Variants in SOS2 observed in about 807,000 individuals in gnomAD.
SOS2 encodes the protein SOS Ras/Rho guanine nucleotide exchange factor 2.
Under a neutral mutation model 148.2 loss-of-function variants are expected in SOS2, and 65 were observed. The ratio of observed to expected loss-of-function variants is 0.44; its 90% confidence interval spans 0.36 to 0.54. SOS2 has a LOEUF of 0.54. Among genes scored for constraint, SOS2 ranks in the 20% least tolerant of loss-of-function variants. The pLI is 0.00. For synonymous variants in SOS2, 539 were observed against 537.1 expected (o/e 1.00, Z -0.05); for missense variants, 1,341 against 1,590.2 (o/e 0.84, Z 2.67).
chr14:50,159,146 C>T lies in SOS2; in HGVS notation c.1852+285G>A, dbSNP rs61093617. Among the ~76,000 whole-genome samples, 29,213 of 151,388 alleles carry T rather than the reference C, an allele frequency of 0.19. 2,980 individuals carry two copies. The highest frequency in any genetic ancestry group is 0.44 in the East Asian group (2,270 of 5,148). ...TGGAGCTTGCAGTGAGCAGAGATAG[C>T]GCCACTGCACTCCAGCCTGGGCAAC... On this transcript the variant is annotated intron_variant, in intron 10 of 22. Coordinates refer to ENST00000216373, the MANE Select transcript of SOS2 (RefSeq NM_006939.4).
intron 12 of SOS2, among the ~76,000 whole-genome samples, chr14:50,155,190 T>C (rs904789530): frequency 6.6e-6 from 1 of 152,078 alleles, no homozygotes; most frequent in Admixed American, 6.5e-5. Context: ...ATGTTAAAAT[T>C]TTTCATAATA....
intron 11 of SOS2, 53 bp from the exon 12 acceptor site, chr14:50,157,174 A>G: frequency 6.3e-7 from 1 of 1,578,458 alleles, no homozygotes; most frequent in Non-Finnish European, 8.6e-7. Flanking sequence ...TGAAAATACA[A>G]GGAGGAAAAC....
chr14:50,161,044 C>G (rs570776963), intron 9 of SOS2, among the ~76,000 whole-genome samples: 85 of 151,502 alleles, frequency 5.6e-4, no homozygotes, highest in African/African-American at 2.0e-3. Flanking sequence ...GGCGCAGCGG[C>G]TCACACCTGT....
Position 50,182,453 on chromosome 14 carries a change from G to C in SOS2, c.858+10C>G. On this transcript the variant is annotated intron_variant, in intron 6 of 22. Coordinates refer to ENST00000216373, the MANE Select transcript of SOS2 (RefSeq NM_006939.4). The stretch of plus-strand genomic sequence containing the variant: ...CTTTAATGAGAATATAAGTAGTTTT[G>C]TAAACTTACTTCTGCCAAATCTTCA... The C allele has an allele frequency of 6.2e-7, 1 of 1,612,822 alleles. No homozygotes were observed. The highest frequency in any genetic ancestry group is 2.2e-5 in the East Asian group (1 of 44,850).
chr14:50,168,790 G>A (rs1885262591), intron 8 of SOS2, among the ~76,000 whole-genome samples: 1 of 152,086 alleles, frequency 6.6e-6, no homozygotes, highest in Non-Finnish European at 1.5e-5. Context: ...TGACTCAAAG[G>A]TTATTACATC....
intron 3 of SOS2, among the ~76,000 whole-genome samples, chr14:50,200,299 A>C (rs1311159053): frequency 6.6e-6 from 1 of 152,016 alleles, no homozygotes; most frequent in African/African-American, 2.4e-5. Flanking sequence ...TGAATTTGCT[A>C]CAAAACTCTT....
At position 50,150,654 on chromosome 14, in the gene SOS2, C is replaced by T. The variant is rs192207730; in HGVS notation, c.2162-424G>A. Among the ~76,000 whole-genome samples the T allele has an allele frequency of 9.2e-4, 139 of 151,200 alleles. 1 individual carries two copies. The highest frequency in any genetic ancestry group is 3.2e-3 in the African/African-American group (131 of 41,166). ...TCAACTTATTGCAACTTCCATGTTG[C>T]GGGCTCAAGTGATCCTCCCACCTCA... On this transcript the variant is annotated intron_variant, in intron 13 of 22. Coordinates refer to ENST00000216373, the MANE Select transcript of SOS2 (RefSeq NM_006939.4).
chr14:50,202,089 A>C (rs1347549327), intron 2 of SOS2, among the ~76,000 whole-genome samples: 4 of 152,140 alleles, frequency 2.6e-5, no homozygotes, highest in Admixed American at 1.3e-4. Flanking sequence ...CAGCATCCCG[A>C]GTAGCTGGGA....
chr14:50,169,946 G>A (rs537151919), intron 8 of SOS2, among the ~76,000 whole-genome samples: 2 of 151,886 alleles, frequency 1.3e-5, no homozygotes, highest in East Asian at 3.9e-4. Flanking sequence ...TTACTTTTAA[G>A]ACAGAGTTTC....
intron 21 of SOS2, among the ~76,000 whole-genome samples, chr14:50,120,882 G>A (rs1164473722): frequency 6.6e-6 from 1 of 151,836 alleles, no homozygotes; most frequent in Non-Finnish European, 1.5e-5. Flanking sequence ...TGGGATTACA[G>A]GTACCCACTA....
Position 50,153,097 on chromosome 14 carries a change from G to A in SOS2, c.2134C>T (p.Leu712=). Residue 712 remains leucine (L), a synonymous_variant, in exon 13 of 23, where the codon CTA becomes TTA. Transcript: ENST00000216373. The part of the protein sequence containing the change: ...FERDLELLER[L]ESFISSVRGK... The stretch of plus-strand genomic sequence containing the variant: ...CTTACACTTGAAATGAAGGATTCTA[G>A]TCTTTCAAGCAATTCCAAGTCTCTT... 1 of 1,589,776 alleles carries A rather than the reference G, an allele frequency of 6.3e-7. No individual in the cohort carries two copies. The highest frequency in any genetic ancestry group is 8.6e-7 in the Non-Finnish European group (1 of 1,159,646).
At chr14:50,147,512 T>TGTTTC (rs1884527276) in intron 14 of SOS2, among the ~76,000 whole-genome samples, 1 of 105,282 alleles carries the variant, frequency 9.5e-6, no homozygotes. Context: ...ACCCTGTTTC[T>TGTTTC]AAAAAAAAAA....
intron 12 of SOS2, 51 bp downstream of exon 12, chr14:50,156,948 T>C (rs1272192701): frequency 6.6e-6 from 6 of 913,912 alleles, no homozygotes; most frequent in Non-Finnish European, 1.0e-5. Context: ...TGTGTGTGTG[T>C]GTGTATATAT....
chr14:50,173,624 T>A (rs577164944), intron 8 of SOS2, among the ~76,000 whole-genome samples: 62 of 152,238 alleles, frequency 4.1e-4, no homozygotes, highest in Middle Eastern at 3.4e-3. Context: ...GGTTTCACCA[T>A]GTTAGCCAGG....
intron 1 of SOS2, 83 bp downstream of exon 1, chr14:50,231,114 C>A: frequency 1.2e-6 from 1 of 829,828 alleles, no homozygotes; most frequent in Non-Finnish European, 1.7e-6. Context: ...GGACTCGAGC[C>A]CTGTGGGAGG....
Position 50,204,380 on chromosome 14 carries a change from TGAGA to T in SOS2, c.113_116del (p.Leu38GlnfsTer13). The T allele has an allele frequency of 6.3e-7, 1 of 1,582,374 alleles. No homozygotes were observed. Among genetic ancestry groups the T allele is most frequent in the Non-Finnish European group, 8.6e-7 (1 of 1,157,200 alleles). ...TATAATAGAGAGACTCTTCATTAGC[TGAGA>T]GAGTGGGATGCACTTGTTCCTGAAC... is the stretch of plus-strand genomic sequence containing the variant. On this transcript the variant is annotated frameshift_variant, in exon 2 of 23. Transcript: ENST00000216373. LOFTEE classifies it high-confidence loss of function.
chr14:50,120,826 G>C, intron 21 of SOS2, among the ~76,000 whole-genome samples: 1 of 127,708 alleles, frequency 7.8e-6, no homozygotes, highest in East Asian at 2.7e-4. Flanking sequence ...TGCAACCTCC[G>C]CCTCCCGGGT....
chr14:50,198,393 T>C (rs889711055), intron 4 of SOS2, among the ~76,000 whole-genome samples: 1 of 151,394 alleles, frequency 6.6e-6, no homozygotes, highest in Non-Finnish European at 1.5e-5. Context: ...TAAGTCAAAA[T>C]AGAGATAACA....
chr14:50,136,736 C>T (rs916252567), intron 18 of SOS2, among the ~76,000 whole-genome samples: 6 of 151,884 alleles, frequency 4.0e-5, no homozygotes, highest in Non-Finnish European at 7.4e-5. Flanking sequence ...ATTACAAGCA[C>T]GTGCCACCAC....
Sources: gnomAD v4.1 joint callset for allele counts (sites outside exome capture counted in the v4.1 genomes callset) on GRCh38, gnomAD v4.1.1 for gene constraint, MANE v1.5 for transcripts, NCBI Gene and HGNC (gene_info 2026-07-23, HGNC 2026-07-21) for gene names.